The following UNC13C variants were observed in gnomAD, a reference collection of about 807,000 sequenced individuals.
UNC13C encodes protein unc-13 homolog C.
A neutral mutation model predicts 245.4 loss-of-function variants in UNC13C; 174 were observed. The ratio of observed to expected loss-of-function variants is 0.71; its 90% CI spans 0.63 to 0.80. UNC13C has a LOEUF of 0.80. Ranked by LOEUF, UNC13C falls within the 30% of genes least tolerant of loss-of-function variation. The pLI is 0.00. For missense variants in UNC13C, 2,829 were observed against 2,602.9 expected (o/e 1.09, Z -1.89); for synonymous variants, 992 against 895.1 (o/e 1.11, Z -1.93).
intron 27 of UNC13C, among the ~76,000 whole-genome samples, chr15:54,547,285 T>G (rs769969856): frequency 1.3e-5 from 2 of 152,110 alleles, no homozygotes; most frequent in Admixed American, 6.5e-5. Flanking sequence ...ACCTCCCCAC[T>G]TGGAAGTTAA....
intron 30 of UNC13C, among the ~76,000 whole-genome samples, chr15:54,592,857 T>C (rs1003264072): frequency 9.1e-6 from 1 of 110,484 alleles, no homozygotes; most frequent in East Asian, 3.2e-4. Context: ...GTGTACTTTG[T>C]TTTTTGTTTT....
intron 2 of UNC13C, among the ~76,000 whole-genome samples, chr15:54,059,289 CA>C (rs1897692420): frequency 6.6e-6 from 1 of 152,078 alleles, no homozygotes; most frequent in South Asian, 2.1e-4. Context: ...AATCAGTGTG[CA>C]AAAATCACAA....
chr15:53,918,606 C>G, the UNC13C span, among the ~76,000 whole-genome samples: 1 of 152,158 alleles, frequency 6.6e-6, no homozygotes, highest in Non-Finnish European at 1.5e-5. Context: ...GGGACTGTCC[C>G]CGTTCTTGTA....
chr15:53,891,278 T>C, the UNC13C span, among the ~76,000 whole-genome samples: 4 of 152,182 alleles, frequency 2.6e-5, no homozygotes, highest in African/African-American at 9.7e-5. Context: ...GTGTTTTACT[T>C]CCCATTATGT....
intron 17 of UNC13C, among the ~76,000 whole-genome samples, chr15:54,375,101 C>A (rs2039577057): frequency 6.6e-6 from 1 of 152,130 alleles, no homozygotes; most frequent in South Asian, 2.1e-4. Flanking sequence ...GCAAGAATTT[C>A]TGTAAGATAT....
chr15:54,009,171 A>G (rs1375922779), intron 1 of UNC13C, among the ~76,000 whole-genome samples: 1 of 152,172 alleles, frequency 6.6e-6, no homozygotes, highest in South Asian at 2.1e-4. Context: ...AATATTAGGA[A>G]ATTGTTGCTG....
chr15:54,095,319 C>A (rs74922389), intron 2 of UNC13C, among the ~76,000 whole-genome samples: 2 of 152,116 alleles, frequency 1.3e-5, no homozygotes, highest in Non-Finnish European at 2.9e-5. Flanking sequence ...TCCCATAGAT[C>A]GGGTTGTAGT....
At chr15:54,094,268 G>A (rs1456458442) in intron 2 of UNC13C, among the ~76,000 whole-genome samples, 1 of 152,064 alleles carries the variant, frequency 6.6e-6, no homozygotes. Context: ...ATTCTACATG[G>A]TAGTTTGACA....
chr15:53,884,585 A>G, the UNC13C span, among the ~76,000 whole-genome samples: 1 of 152,084 alleles, frequency 6.6e-6, no homozygotes, highest in Non-Finnish European at 1.5e-5. Context: ...TTTTCCTGCC[A>G]TGGCCTCCCA....
At chr15:54,130,704 A>G (rs979151145) in intron 2 of UNC13C, among the ~76,000 whole-genome samples, 1 of 152,194 alleles carries the variant, frequency 6.6e-6, no homozygotes, top group Non-Finnish European at 1.5e-5. Context: ...CTATCTTCAT[A>G]GGCAAATCTT....
In UNC13C at chr15:54,108,210, A is replaced by G. The variant is rs149520071; in HGVS notation, c.2984-34808A>G. On this transcript the variant is annotated intron_variant, in intron 2 of 32. Transcript: ENST00000260323. The stretch of plus-strand genomic sequence containing the variant: ...AAATAATACTTTTTTTTTTTGAAAC[A>G]GAGTCTCGCTCTGTCGCCCAGGCTG... 8.5e-3 allele frequency among the ~76,000 whole-genome samples: 1,295 copies of G among 151,788 alleles called. 20 individuals carry two copies. Among genetic ancestry groups the G allele is most frequent in the African/African-American group, 0.03 (1,243 of 41,378 alleles).
chr15:53,872,696 C>T, the UNC13C span, among the ~76,000 whole-genome samples: 1 of 152,106 alleles, frequency 6.6e-6, no homozygotes, highest in Non-Finnish European at 1.5e-5. Context: ...CCTGTAGTGA[C>T]CTGGCCCCAA....
rs139417428 is a variant in UNC13C at position 54,609,137 on chromosome 15, T to C, written c.6107-13190T>C. On this transcript the variant is annotated intron_variant, in intron 30 of 32. Transcript: ENST00000260323. ...ATGTGTTTGCATTGTTGTCCATAAC[T>C]AAGCTGATTTCTTTTCATTTCATTT... Among the ~76,000 whole-genome samples, 633 of 152,366 alleles carry C rather than the reference T, an allele frequency of 4.2e-3. 3 individuals are homozygous for C. The highest frequency in any genetic ancestry group is 7.3e-3 in the Non-Finnish European group (496 of 68,036).
At chr15:54,589,002 T>C (rs749299370) in intron 30 of UNC13C, among the ~76,000 whole-genome samples, 3 of 152,180 alleles carry the variant, frequency 2.0e-5, no homozygotes, top group Non-Finnish European at 2.9e-5. Context: ...AGATACCCAG[T>C]AGTGAGATTG....
intron 2 of UNC13C, among the ~76,000 whole-genome samples, chr15:54,071,179 A>C (rs1387733141): frequency 2.6e-5 from 4 of 152,132 alleles, no homozygotes; most frequent in Admixed American, 2.0e-4. Flanking sequence ...TTTTTATATC[A>C]AATTTCCTTT....
chr15:54,231,878 A>G (rs1567119667), intron 4 of UNC13C, among the ~76,000 whole-genome samples: 2 of 152,090 alleles, frequency 1.3e-5, no homozygotes, highest in Non-Finnish European at 2.9e-5. Context: ...ACTGTGGTGC[A>G]TGAACTTAAG....
chr15:54,274,549 T>C (rs931360273), intron 10 of UNC13C, among the ~76,000 whole-genome samples: 2 of 152,052 alleles, frequency 1.3e-5, no homozygotes, highest in Non-Finnish European at 2.9e-5. Context: ...ACACAACTCA[T>C]GCCTGTATCT....
Position 54,014,786 on chromosome 15 carries a change from G to A in UNC13C, c.1883G>A (p.Gly628Glu). The A allele has an allele frequency of 1.9e-6, 3 of 1,613,888 alleles. No individual in the cohort carries two copies. Among genetic ancestry groups the A allele is most frequent in the African/African-American group, 1.3e-5 (1 of 75,026 alleles). ...GAAAACACAGAAACTGTGGATAGTG[G>A]AATGAGTAATGGCATGGTGTGTGCA... ...ETENTETVDSGMSNGMVCASG... is the reference protein window; with the variant it reads ...ETENTETVDSEMSNGMVCASG... Residue 628 changes from glycine (G) to glutamate (E), a missense_variant, in exon 2 of 33, where the codon GGA (glycine) becomes GAA (glutamate). By Grantham distance (98) the Gly-to-Glu change is moderately conservative. Coordinates refer to ENST00000260323, the MANE Select transcript of UNC13C (RefSeq NM_001080534.3).
chr15:54,312,969 G>A (rs140722105), intron 13 of UNC13C, among the ~76,000 whole-genome samples: 203 of 151,926 alleles, frequency 1.3e-3, no homozygotes, highest in African/African-American at 4.2e-3. Context: ...TTTCCAATAC[G>A]GTTGTGATTT....
Sources: allele counts gnomAD v4.1 joint callset (sites outside exome capture counted in the v4.1 genomes callset), GRCh38; gene constraint gnomAD v4.1.1; transcripts MANE v1.5; gene names NCBI Gene and HGNC (gene_info 2026-07-23, HGNC 2026-07-21).